The following ARHGAP32 variants were observed in gnomAD, a reference collection of about 807,000 sequenced individuals.
ARHGAP32 encodes the protein Rho GTPase activating protein 32, also known as rho GTPase-activating protein 32.
ARHGAP32 carries 51 observed loss-of-function variants against 186.5 expected under a neutral mutation model. The observed-to-expected ratio is 0.27, with a 90% CI of 0.22 to 0.35. The LOEUF is 0.35. Among genes scored for constraint, ARHGAP32 ranks in the 10% least tolerant of loss-of-function variants. The pLI is 1.00. For missense variants in ARHGAP32, 2,186 were observed against 2,623.5 expected (o/e 0.83, Z 3.64); for synonymous variants, 950 against 964.3 (o/e 0.99, Z 0.27).
intron 2 of ARHGAP32, among the ~76,000 whole-genome samples, chr11:129,160,946 C>A (rs1943516419): frequency 6.6e-6 from 1 of 152,074 alleles, no homozygotes; most frequent in African/African-American, 2.4e-5. Context: ...GGTACTGGTG[C>A]CAAAACAGAT....
chr11:129,197,099 C>T (rs899710275), upstream of ARHGAP32, among the ~76,000 whole-genome samples: 4 of 152,154 alleles, frequency 2.6e-5, no homozygotes, highest in East Asian at 1.9e-4. Context: ...AACCTAACCA[C>T]ACCATATGAA....
chr11:129,066,710 C>G (rs764749924), intron 7 of ARHGAP32, 21 bp downstream of exon 7: 4 of 1,608,324 alleles, frequency 2.5e-6, no homozygotes, highest in Admixed American at 1.7e-5. Flanking sequence ...TACCTCTGTA[C>G]TAAATGTACT....
intron 12 of ARHGAP32, among the ~76,000 whole-genome samples, chr11:128,996,846 A>C (rs1946215309): frequency 6.6e-6 from 1 of 151,986 alleles, no homozygotes. Flanking sequence ...CAGTGGCGTG[A>C]AATCAGCTTA....
chr11:129,093,812 C>T (rs1451343380), intron 5 of ARHGAP32, 105 bp from the exon 6 acceptor site: 9 of 759,164 alleles, frequency 1.2e-5, no homozygotes, highest in Non-Finnish European at 2.0e-5. Flanking sequence ...GGGTGAGCAT[C>T]AGCTTAATGT....
intron 2 of ARHGAP32, among the ~76,000 whole-genome samples, chr11:129,139,819 C>T (rs1027713749): frequency 6.6e-6 from 1 of 152,114 alleles, no homozygotes; most frequent in Admixed American, 6.6e-5. Context: ...AGCATGAAAA[C>T]AAACTAATAT....
intron 1 of ARHGAP32, among the ~76,000 whole-genome samples, chr11:129,201,809 C>T (rs1186428747): frequency 6.6e-6 from 1 of 152,014 alleles, no homozygotes; most frequent in Non-Finnish European, 1.5e-5. Context: ...AGCAAGACTC[C>T]ATCTCTATAA....
intron 21 of ARHGAP32, 99 bp downstream of exon 21, chr11:128,974,025 C>G: frequency 1.4e-6 from 2 of 1,388,908 alleles, no homozygotes; most frequent in Non-Finnish European, 2.0e-6. Context: ...TGATTAAAGG[C>G]TAGCTGTGGA....
At chr11:129,093,044 T>C (rs1941623211) in intron 6 of ARHGAP32, among the ~76,000 whole-genome samples, 1 of 151,976 alleles carries the variant, frequency 6.6e-6, no homozygotes, top group Non-Finnish European at 1.5e-5. Flanking sequence ...TTCAAAACAG[T>C]TCCAATATTA....
intron 15 of ARHGAP32, 145 bp downstream of exon 15, chr11:128,985,858 G>GTGTGTATGTA (rs760311247): frequency 3.1e-5 from 3 of 95,312 alleles, no homozygotes; most frequent in South Asian, 3.9e-4. Flanking sequence ...GTGTGTGTGT[G>GTGTGTATGTA]TATATATATA....
At chr11:129,195,114 G>A (rs12364686), upstream of ARHGAP32, among the ~76,000 whole-genome samples, 29,405 of 151,736 alleles carry the variant, frequency 0.19, 3,044 homozygotes, top group Non-Finnish European at 0.22. Flanking sequence ...GATTATAAGT[G>A]TGTGCCACGA....
At chr11:129,176,741 G>A (rs1319833386) in intron 1 of ARHGAP32, among the ~76,000 whole-genome samples, 1 of 149,778 alleles carries the variant, frequency 6.7e-6, no homozygotes, top group Non-Finnish European at 1.5e-5. Context: ...AAACCAACGA[G>A]AACAAAGACA....
intron 10 of ARHGAP32, among the ~76,000 whole-genome samples, chr11:129,053,010 T>A (rs492908): frequency 4.6e-5 from 7 of 151,814 alleles, no homozygotes; most frequent in African/African-American, 1.7e-4. Context: ...AAAATTGAGT[T>A]TTTACATGTA....
intron 1 of ARHGAP32, among the ~76,000 whole-genome samples, chr11:129,253,422 T>C (rs1226819617): frequency 6.6e-6 from 1 of 152,180 alleles, no homozygotes; most frequent in Non-Finnish European, 1.5e-5. Context: ...TGCTCTTGTT[T>C]CCACAAGCAC....
intron 1 of ARHGAP32, among the ~76,000 whole-genome samples, chr11:129,201,078 T>A (rs1591693577): frequency 6.6e-6 from 1 of 152,134 alleles, no homozygotes. Context: ...TCTTCCTTCA[T>A]CACATTAATA....
chr11:129,194,848 G>T (rs1944370742), upstream of ARHGAP32, among the ~76,000 whole-genome samples: 1 of 149,648 alleles, frequency 6.7e-6, no homozygotes. Flanking sequence ...AATCTTTCAT[G>T]ACCTTCAGTA....
chr11:129,259,635 G>A (rs965409348), intron 1 of ARHGAP32, among the ~76,000 whole-genome samples: 9 of 150,344 alleles, frequency 6.0e-5, no homozygotes, highest in African/African-American at 2.2e-4. Context: ...TCCAACCATA[G>A]AACTGGAAGA....
intron 11 of ARHGAP32, among the ~76,000 whole-genome samples, chr11:129,007,751 C>CA (rs1353341260): frequency 6.6e-6 from 1 of 152,176 alleles, no homozygotes; most frequent in African/African-American, 2.4e-5. Context: ...ATGTGCCCCT[C>CA]AAGTCCATTG....
intron 10 of ARHGAP32, among the ~76,000 whole-genome samples, chr11:129,048,684 C>G (rs936272420): frequency 6.6e-6 from 1 of 152,072 alleles, no homozygotes; most frequent in African/African-American, 2.4e-5. Context: ...AAGCATAATA[C>G]TGAATATTGA....
intron 11 of ARHGAP32, among the ~76,000 whole-genome samples, chr11:129,031,484 T>C (rs1313083494): frequency 6.6e-6 from 1 of 152,238 alleles, no homozygotes; most frequent in Non-Finnish European, 1.5e-5. Flanking sequence ...GGTATATAAA[T>C]TTAACACCTG....
Sources: allele counts gnomAD v4.1 joint callset (sites outside exome capture counted in the v4.1 genomes callset), GRCh38; gene constraint gnomAD v4.1.1; transcripts MANE v1.5; gene names NCBI Gene and HGNC (gene_info 2026-07-23, HGNC 2026-07-21).